Variants in DACH1 observed in about 807,000 individuals in gnomAD.
DACH1 encodes dachshund homolog 1.
Under a neutral mutation model 54.2 loss-of-function variants are expected in DACH1, and 12 were observed. That is an observed-to-expected ratio of 0.22 (90% confidence interval 0.14 to 0.36). The LOEUF (loss-of-function observed/expected upper bound fraction) is 0.36, where lower values mean the gene tolerates loss of function less well. Ranked by LOEUF, DACH1 falls within the 10% of genes least tolerant of loss-of-function variation. The pLI, the probability that DACH1 is intolerant of heterozygous loss-of-function variation, is 1.00. For synonymous variants in DACH1, 386 were observed against 366.2 expected, an observed-to-expected ratio of 1.05 and a Z score of -0.62; for missense variants, 805 against 929.8, an observed-to-expected ratio of 0.87 and a Z score of 1.75.
At chr13:71,487,640 G>C (rs990583857) in intron 7 of DACH1, among the ~76,000 whole-genome samples, 1 of 152,140 alleles carries the variant, frequency 6.6e-6, no homozygotes, top group African/African-American at 2.4e-5. Flanking sequence ...CGTTTTCTCT[G>C]CTGAAATTGA....
chr13:71,714,610 A>G (rs1338890268), intron 1 of DACH1, among the ~76,000 whole-genome samples: 1 of 152,052 alleles, frequency 6.6e-6, no homozygotes, highest in Admixed American at 6.6e-5. Flanking sequence ...CATCTGTGGA[A>G]TTTTATTATA....
intron 8 of DACH1, among the ~76,000 whole-genome samples, chr13:71,477,500 T>C (rs886428492): frequency 2.0e-5 from 3 of 152,024 alleles, no homozygotes; most frequent in Non-Finnish European, 4.4e-5. Context: ...TAAAAACCTG[T>C]TTGTATCAAA....
At chr13:71,856,071 T>C (rs1319809052) in intron 1 of DACH1, among the ~76,000 whole-genome samples, 1 of 151,930 alleles carries the variant, frequency 6.6e-6, no homozygotes, top group Non-Finnish European at 1.5e-5. Context: ...GAAATACCAC[T>C]GATGAATAAT....
intron 1 of DACH1, among the ~76,000 whole-genome samples, chr13:71,737,589 T>C (rs533360552): frequency 6.6e-6 from 1 of 152,350 alleles, no homozygotes; most frequent in South Asian, 2.1e-4. Flanking sequence ...ATTGACTTAT[T>C]TTATAATCAA....
At chr13:71,745,660 G>A (rs933991618) in intron 1 of DACH1, among the ~76,000 whole-genome samples, 3 of 152,154 alleles carry the variant, frequency 2.0e-5, no homozygotes. Flanking sequence ...TAACTGCTTT[G>A]TATAACTGTG....
intron 1 of DACH1, among the ~76,000 whole-genome samples, chr13:71,804,682 A>G (rs1887422676): frequency 6.6e-6 from 1 of 152,112 alleles, no homozygotes; most frequent in African/African-American, 2.4e-5. Flanking sequence ...GAATGCCATT[A>G]GCTCCACCTG....
intron 10 of DACH1, among the ~76,000 whole-genome samples, chr13:71,449,814 C>T (rs1197806464): frequency 6.7e-6 from 1 of 150,052 alleles, no homozygotes; most frequent in East Asian, 2.0e-4. Flanking sequence ...TTTTTCAGTT[C>T]TCTTCAAATA....
intron 2 of DACH1, among the ~76,000 whole-genome samples, chr13:71,636,419 G>A (rs1329039204): frequency 6.6e-6 from 1 of 152,010 alleles, no homozygotes; most frequent in Non-Finnish European, 1.5e-5. Context: ...ATCCTAGGCA[G>A]TGAATCCTGT....
At chr13:71,821,322 T>C (rs1888175971) in intron 1 of DACH1, among the ~76,000 whole-genome samples, 1 of 150,494 alleles carries the variant, frequency 6.6e-6, no homozygotes. Flanking sequence ...TTCCTCTCCT[T>C]TAGGTTTTCA....
chr13:71,608,076 T>A (rs932441964), intron 3 of DACH1, among the ~76,000 whole-genome samples: 3 of 149,928 alleles, frequency 2.0e-5, no homozygotes, highest in Non-Finnish European at 3.0e-5. Flanking sequence ...TATATATATA[T>A]AAAATGGGTA....
intron 1 of DACH1, among the ~76,000 whole-genome samples, chr13:71,785,162 C>T (rs985313948): frequency 1.3e-5 from 2 of 152,070 alleles, no homozygotes; most frequent in South Asian, 2.1e-4. Context: ...CTCCTGAATT[C>T]GCCAGGTTAA....
intron 2 of DACH1, among the ~76,000 whole-genome samples, chr13:71,632,752 A>G (rs1296832976): frequency 6.6e-6 from 1 of 152,130 alleles, no homozygotes; most frequent in Admixed American, 6.5e-5. Context: ...GGGTCTTTAC[A>G]TGAAAAACTG....
At chr13:71,613,490 C>T (rs570589123) in intron 3 of DACH1, among the ~76,000 whole-genome samples, 1 of 151,952 alleles carries the variant, frequency 6.6e-6, no homozygotes, top group South Asian at 2.1e-4. Flanking sequence ...TGTTGCAAGG[C>T]GAGAGGATTT....
chr13:71,457,259 T>A (rs961267220), intron 10 of DACH1, among the ~76,000 whole-genome samples: 1 of 152,020 alleles, frequency 6.6e-6, no homozygotes, highest in Non-Finnish European at 1.5e-5. Flanking sequence ...GTATCCAACA[T>A]ATTGCCATAT....
At chr13:71,700,866 T>G (rs1207434245) in intron 1 of DACH1, among the ~76,000 whole-genome samples, 1 of 152,190 alleles carries the variant, frequency 6.6e-6, no homozygotes, top group African/African-American at 2.4e-5. Flanking sequence ...AGCTTTTAAT[T>G]AGTTAAGAGA....
intron 1 of DACH1, among the ~76,000 whole-genome samples, chr13:71,697,812 G>A (rs1881905666): frequency 6.6e-6 from 1 of 152,042 alleles, no homozygotes; most frequent in African/African-American, 2.4e-5. Context: ...TAATACCATT[G>A]GAAGGCTATA....
intron 6 of DACH1, among the ~76,000 whole-genome samples, chr13:71,517,015 ATTAACTGTCT>A (rs1402106032): frequency 6.6e-6 from 1 of 151,718 alleles, no homozygotes; most frequent in Non-Finnish European, 1.5e-5. Context: ...GGGATGTTTT[ATTAACTGTCT>A]TTATAAGCGT....
At chr13:71,451,056 AATC>A (rs532346570) in intron 10 of DACH1, among the ~76,000 whole-genome samples, 6 of 152,142 alleles carry the variant, frequency 3.9e-5, no homozygotes, top group African/African-American at 1.2e-4. Context: ...TGATGATGAT[AATC>A]ATCATCATCA....
rs144034732 is a variant in DACH1 at position 71,444,152 on chromosome 13, A to G, written c.2084-3460T>C. The stretch of plus-strand genomic sequence containing the variant: ...AATTTCTGTCTTTCGTATATTTACT[A>G]CCACTTGGCTAAAAATTGGACTGTT... On this transcript the variant is annotated intron_variant, in intron 10 of 10. Coordinates refer to ENST00000613252, the MANE Select transcript of DACH1 (RefSeq NM_080759.6). 4.5e-4 allele frequency among the ~76,000 whole-genome samples: 69 copies of G among 152,294 alleles called. No individual in the cohort carries two copies. In the East Asian group the frequency reaches 7.3e-3, roughly 16 times the overall value.
Sources: gnomAD v4.1 joint callset for allele counts (sites outside exome capture counted in the v4.1 genomes callset) on GRCh38, gnomAD v4.1.1 for gene constraint, MANE v1.5 for transcripts, NCBI Gene and HGNC (gene_info 2026-07-23, HGNC 2026-07-21) for gene names.